Variants in HSD17B12 observed in about 807,000 individuals in gnomAD.
The protein encoded by HSD17B12 is hydroxysteroid 17-beta dehydrogenase 12.
In HSD17B12, 32 loss-of-function variants were observed where a neutral mutation model predicts 39.3. The ratio of observed to expected loss-of-function variants is 0.81; its 90% confidence interval spans 0.61 to 1.09. The LOEUF is 1.09. HSD17B12 is among the 50% of genes least tolerant of loss of function. HSD17B12 has a pLI of 0.00. For missense variants in HSD17B12, 342 were observed against 382.9 expected, an observed-to-expected ratio of 0.89 and a Z score of 0.89; for synonymous variants, 150 against 146.7, an observed-to-expected ratio of 1.02 and a Z score of -0.16.
chr11:43,675,917 G>A (rs1272266369), upstream of HSD17B12, among the ~76,000 whole-genome samples: 1 of 152,120 alleles, frequency 6.6e-6, no homozygotes, highest in East Asian at 1.9e-4. Context: ...TTTGAGACCA[G>A]CCTGGCCAAC....
chr11:43,706,586 A>G (rs1435342057), intron 1 of HSD17B12, among the ~76,000 whole-genome samples: 1 of 152,066 alleles, frequency 6.6e-6, no homozygotes. Context: ...TTGGTCATAC[A>G]CTATTGCTTG....
chr11:43,819,060 A>ATAATATCT (rs1362263878), intron 6 of HSD17B12, among the ~76,000 whole-genome samples: 1 of 152,224 alleles, frequency 6.6e-6, no homozygotes, highest in African/African-American at 2.4e-5. Flanking sequence ...CATGTGTTTC[A>ATAATATCT]TAATATCTTG....
intron 3 of HSD17B12, among the ~76,000 whole-genome samples, chr11:43,774,676 A>AT (rs1302922313): frequency 6.6e-6 from 1 of 152,180 alleles, no homozygotes; most frequent in African/African-American, 2.4e-5. Context: ...AAATCAACTC[A>AT]TTGAATCCTT....
chr11:43,609,137 G>C, the HSD17B12 span, among the ~76,000 whole-genome samples: 1 of 150,856 alleles, frequency 6.6e-6, no homozygotes, highest in Non-Finnish European at 1.5e-5. Flanking sequence ...ACCAATTTTC[G>C]TCATGTTGTC....
chr11:43,809,594 G>A (rs1250510969), intron 4 of HSD17B12, among the ~76,000 whole-genome samples: 1 of 152,138 alleles, frequency 6.6e-6, no homozygotes, highest in Non-Finnish European at 1.5e-5. Flanking sequence ...CAAGGCAGGC[G>A]GATCACCTGA....
the HSD17B12 span, among the ~76,000 whole-genome samples, chr11:43,585,599 C>T: frequency 4.7e-4 from 71 of 152,294 alleles, no homozygotes; most frequent in African/African-American, 1.5e-3. Flanking sequence ...TTAAATAATA[C>T]GTAAATTGAC....
chr11:43,640,875 A>G, the HSD17B12 span: 1 of 151,886 alleles, frequency 6.6e-6, no homozygotes, highest in Non-Finnish European at 1.5e-5. Flanking sequence ...AAATACAAAT[A>G]TCTATATGTC....
intron 1 of HSD17B12, among the ~76,000 whole-genome samples, chr11:43,748,130 A>T (rs1950428678): frequency 6.6e-6 from 1 of 152,152 alleles, no homozygotes; most frequent in Non-Finnish European, 1.5e-5. Context: ...GTGCCTCTAA[A>T]AACAGTCGGG....
chr11:43,643,263 C>A, the HSD17B12 span, among the ~76,000 whole-genome samples: 5 of 152,070 alleles, frequency 3.3e-5, no homozygotes, highest in African/African-American at 4.8e-5. Context: ...GGATATTGAA[C>A]TTACATTGAT....
intron 3 of HSD17B12, among the ~76,000 whole-genome samples, chr11:43,794,714 C>T (rs1368283485): frequency 6.6e-6 from 1 of 152,178 alleles, no homozygotes; most frequent in Non-Finnish European, 1.5e-5. Context: ...AAGCTGTCTG[C>T]TGGTGATACT....
At chr11:43,745,562 G>C (rs1950405217) in intron 1 of HSD17B12, among the ~76,000 whole-genome samples, 1 of 152,084 alleles carries the variant, frequency 6.6e-6, no homozygotes, top group Admixed American at 6.5e-5. Flanking sequence ...AAATCTAGAT[G>C]GTTTAACCTA....
chr11:43,645,504 T>C, the HSD17B12 span: 5 of 152,206 alleles, frequency 3.3e-5, no homozygotes, highest in African/African-American at 9.7e-5. Context: ...AGTTTTAGTT[T>C]TAGGGGCCAC....
chr11:43,717,243 C>T (rs1004498414), intron 1 of HSD17B12, among the ~76,000 whole-genome samples: 4 of 152,132 alleles, frequency 2.6e-5, no homozygotes, highest in Non-Finnish European at 4.4e-5. Flanking sequence ...CTTTAATTCA[C>T]TGTTTTCTCA....
At chr11:43,817,038 ATC>A (rs3978760) in intron 6 of HSD17B12, among the ~76,000 whole-genome samples, 495 of 33,330 alleles carry the variant, frequency 0.015, 2 homozygotes, top group African/African-American at 0.031. Context: ...CTATATCTAT[ATC>A]TATATATATA....
intron 3 of HSD17B12, among the ~76,000 whole-genome samples, chr11:43,777,122 G>T (rs930990110): frequency 6.6e-6 from 1 of 152,178 alleles, no homozygotes; most frequent in African/African-American, 2.4e-5. Context: ...TTTTAAAGTA[G>T]TTTTTTCCAA....
the HSD17B12 span, among the ~76,000 whole-genome samples, chr11:43,592,539 C>T: frequency 2.6e-5 from 4 of 152,112 alleles, no homozygotes; most frequent in South Asian, 2.1e-4. Flanking sequence ...TTGTGACCAC[C>T]CACCTGGTGT....
intron 7 of HSD17B12, chr11:43,832,948 C>T (rs1452186919): frequency 6.6e-6 from 1 of 150,874 alleles, no homozygotes; most frequent in African/African-American, 2.5e-5. Flanking sequence ...ACAAGAATCA[C>T]TTGAACCCTG....
At chr11:43,647,519 C>T in the HSD17B12 span, among the ~76,000 whole-genome samples, 1 of 146,724 alleles carries the variant, frequency 6.8e-6, no homozygotes, top group African/African-American at 2.5e-5. Context: ...CCCAAGTGAT[C>T]CTCCTGCCTC....
At chr11:43,662,042 T>A in the HSD17B12 span, among the ~76,000 whole-genome samples, 2 of 152,066 alleles carry the variant, frequency 1.3e-5, no homozygotes, top group African/African-American at 4.8e-5. Context: ...ATGGATGAAA[T>A]TAAAATTTTA....
Sources: allele counts gnomAD v4.1 joint callset (sites outside exome capture counted in the v4.1 genomes callset), GRCh38; gene constraint gnomAD v4.1.1; transcripts MANE v1.5; gene names NCBI Gene and HGNC (gene_info 2026-07-23, HGNC 2026-07-21).